Variants in SH2D4A observed in about 807,000 individuals in gnomAD.
SH2D4A encodes SH2 domain containing 4A.
SH2D4A carries 70 observed loss-of-function variants against 64.7 expected under a neutral mutation model. That is an observed-to-expected ratio of 1.08 (90% CI 0.89 to 1.32). The LOEUF (loss-of-function observed/expected upper bound fraction) is 1.32, where lower values mean the gene tolerates loss of function less well. SH2D4A is among the 40% of genes most tolerant of loss of function. The pLI is 0.00. For missense variants in SH2D4A, 706 were observed against 540.1 expected (o/e 1.31, Z -3.04); for synonymous variants, 268 against 200.7 (o/e 1.34, Z -2.83).
intron 2 of SH2D4A, among the ~76,000 whole-genome samples, chr8:19,327,520 G>C (rs1223327295): frequency 6.6e-6 from 1 of 152,114 alleles, no homozygotes; most frequent in Non-Finnish European, 1.5e-5. Flanking sequence ...TACCAGACTG[G>C]AGCTTTCCTC....
At chr8:19,313,886 G>A in intron 1 of SH2D4A, 63 bp downstream of exon 1, 1 of 1,381,712 alleles carries the variant, frequency 7.2e-7, no homozygotes, top group Non-Finnish European at 9.3e-7. Context: ...GTAGGGGGAA[G>A]GGAATTTCCT....
chr8:19,357,024 A>T (rs2052802232), intron 4 of SH2D4A, among the ~76,000 whole-genome samples, 179 bp from the exon 5 acceptor site: 1 of 152,172 alleles, frequency 6.6e-6, no homozygotes, highest in South Asian at 2.1e-4. Context: ...CTGAGGATTC[A>T]CATGCCCGTT....
chr8:19,342,470 G>A (rs1341312853), intron 4 of SH2D4A, among the ~76,000 whole-genome samples: 1 of 152,176 alleles, frequency 6.6e-6, no homozygotes, highest in Non-Finnish European at 1.5e-5. Context: ...TTGGTGAAAC[G>A]GGCAGATTTG....
At chr8:19,333,782 C>T (rs899974062) in intron 3 of SH2D4A, among the ~76,000 whole-genome samples, 10 of 152,108 alleles carry the variant, frequency 6.6e-5, no homozygotes, top group Admixed American at 6.6e-5. Context: ...GATCCACAGA[C>T]GAGGTGAAAT....
In SH2D4A at chr8:19,331,290, A is replaced by G. The variant is rs1161300194; in HGVS notation, c.182-1665A>G. ...TTGACTTAGTGTGAGAGGACAAGAC[A>G]CAATCCCAGTGTGGATGTTTTGCTC... On this transcript the variant is annotated intron_variant, in intron 2 of 9. Transcript: ENST00000265807. Among the ~76,000 whole-genome samples the G allele has an allele frequency of 2.6e-5, 4 of 152,212 alleles. No individual in the cohort carries two copies. The East Asian group carries it at 7.7e-4, about 29-fold the overall frequency.
chr8:19,339,717 T>C (rs1437724098), intron 4 of SH2D4A, among the ~76,000 whole-genome samples: 1 of 151,972 alleles, frequency 6.6e-6, no homozygotes, highest in East Asian at 1.9e-4. Context: ...CCCAGGCTGG[T>C]CTTAAACTCC....
chr8:19,363,656 A>C (rs746097236), intron 6 of SH2D4A, among the ~76,000 whole-genome samples: 3 of 152,094 alleles, frequency 2.0e-5, no homozygotes, highest in Non-Finnish European at 4.4e-5. Context: ...TCTGCTAGTG[A>C]GTCAAGCACA....
chr8:19,394,400 G>A, intron 9 of SH2D4A, 150 bp from the exon 10 acceptor site: 1 of 526,272 alleles, frequency 1.9e-6, no homozygotes, highest in Non-Finnish European at 3.4e-6. Flanking sequence ...CTGGTCACAT[G>A]TAGATAAGAA....
At chr8:19,329,494 G>A (rs2052337435) in intron 2 of SH2D4A, among the ~76,000 whole-genome samples, 2 of 152,146 alleles carry the variant, frequency 1.3e-5, no homozygotes, top group Admixed American at 1.3e-4. Flanking sequence ...GTCTCCTGAG[G>A]ACAGGGACTA....
At position 19,362,049 on chromosome 8, in the gene SH2D4A, T is replaced by C. The variant is rs753833432; in HGVS notation, c.706+735T>C. ...TTAGGTTTGTGAAAGAATTAGTGTT[T>C]CCATCTGACTCAGAGAAATCTGAAC... On this transcript the variant is annotated intron_variant, in intron 6 of 9. Transcript: ENST00000265807. 2.6e-5 allele frequency among the ~76,000 whole-genome samples: 4 copies of C among 152,204 alleles called. No homozygotes were observed. The East Asian group carries it at 7.7e-4, about 29-fold the overall frequency.
intron 2 of SH2D4A, among the ~76,000 whole-genome samples, chr8:19,322,612 CTTT>C (rs33946166): frequency 0.014 from 1,815 of 126,756 alleles, 20 homozygotes; most frequent in Admixed American, 0.021. Context: ...GTCTATTATT[CTTT>C]TTTTTTTTTT....
Position 19,395,447 on chromosome 8 carries a change from G to T in SH2D4A, c.*805G>T, listed in dbSNP as rs1039187827. 6.6e-6 allele frequency: 1 copy of T among 152,200 alleles called. No individual in the cohort carries two copies. The highest frequency in any genetic ancestry group is 1.5e-5 in the Non-Finnish European group (1 of 68,094). 9.4% of individuals were successfully genotyped at this position (152,200 alleles called of 1,614,324 possible). ...TGAATTGTGTTCCCCCAAAATATAT[G>T]GTGAAGTCTTAACCCCCATCCCCGT... On this transcript the variant is annotated 3_prime_UTR_variant, in exon 10 of 10. Transcript: ENST00000265807.
At chr8:19,351,991 C>T (rs1315821176) in intron 4 of SH2D4A, among the ~76,000 whole-genome samples, 1 of 152,140 alleles carries the variant, frequency 6.6e-6, no homozygotes, top group Non-Finnish European at 1.5e-5. Flanking sequence ...CCATGTTGGC[C>T]AGGCTGGTCT....
At chr8:19,352,667 A>G (rs1013767383) in intron 4 of SH2D4A, among the ~76,000 whole-genome samples, 3 of 152,082 alleles carry the variant, frequency 2.0e-5, no homozygotes, top group African/African-American at 7.2e-5. Context: ...CAGGCTTCAG[A>G]CGTGGAGATG....
At chr8:19,313,903 T>C (rs1445814347) in intron 1 of SH2D4A, 80 bp downstream of exon 1, 4 of 1,364,830 alleles carry the variant, frequency 2.9e-6, no homozygotes, top group East Asian at 3.1e-5. Flanking sequence ...TCCTCGGAGG[T>C]TGCATGGGTG....
At chr8:19,313,883 G>C in intron 1 of SH2D4A, 60 bp downstream of exon 1, 3 of 1,385,116 alleles carry the variant, frequency 2.2e-6, no homozygotes, top group Non-Finnish European at 2.8e-6. Context: ...GGAGTAGGGG[G>C]AAGGGAATTT....
At chr8:19,344,053 C>T (rs747064424) in intron 4 of SH2D4A, among the ~76,000 whole-genome samples, 23 of 152,094 alleles carry the variant, frequency 1.5e-4, no homozygotes, top group South Asian at 6.2e-4. Flanking sequence ...TTGTCTGGGA[C>T]GAAGAAAGGT....
In SH2D4A at chr8:19,315,037, T is replaced by C. The variant is rs546257707; in HGVS notation, c.-205+1214T>C. 3.3e-5 allele frequency among the ~76,000 whole-genome samples: 5 copies of C among 151,886 alleles called. No individual in the cohort carries two copies. The South Asian group carries it at 1.0e-3, about 32-fold the overall frequency. ...CACAATACTTTTATTTATTTTTTAT[T>C]TTATTAGGTCGGTGCAAAAGTAATT... On this transcript the variant is annotated intron_variant, in intron 1 of 9. Transcript: ENST00000265807.
At chr8:19,382,167 T>A in intron 8 of SH2D4A, among the ~76,000 whole-genome samples, 1 of 152,224 alleles carries the variant, frequency 6.6e-6, no homozygotes, top group East Asian at 1.9e-4. Flanking sequence ...CTTGGACATT[T>A]CTTGCATGGC....
Sources: gnomAD v4.1 joint callset for allele counts (sites outside exome capture counted in the v4.1 genomes callset) on GRCh38, gnomAD v4.1.1 for gene constraint, MANE v1.5 for transcripts, NCBI Gene and HGNC (gene_info 2026-07-23, HGNC 2026-07-21) for gene names.